Variants in THBS2 observed in about 807,000 individuals in gnomAD.
THBS2 encodes thrombospondin-2.
A neutral mutation model predicts 135.2 loss-of-function variants in THBS2; 47 were observed. The observed-to-expected ratio is 0.35, with a 90% CI of 0.28 to 0.44. The LOEUF is 0.44. THBS2 is among the 20% of genes least tolerant of loss of function. The probability of loss-of-function intolerance (pLI) is 1.00; values close to 1 mark genes in which losing one functional copy is unlikely to be tolerated. For missense variants in THBS2, 1,288 were observed against 1,603.1 expected (o/e 0.80, Z 3.36); for synonymous variants, 639 against 633.8 (o/e 1.01, Z -0.12).
chr6:169,231,872 T>C lies in THBS2; in HGVS notation c.2151+108A>G. On this transcript the variant is annotated intron_variant, in intron 13 of 21. Transcript: ENST00000617924. Reference sequence around the variant, plus strand: ...AGGCAAGAGGCCTGAGAGACCCTCCTTCCAAATTCCCTGTGCTGCCCCCGC... The same window carrying C: ...AGGCAAGAGGCCTGAGAGACCCTCCCTCCAAATTCCCTGTGCTGCCCCCGC... The C allele has an allele frequency of 2.3e-6, 3 of 1,300,598 alleles. No individual in the cohort carries two copies. The South Asian group carries it at 4.2e-5, about 18-fold the overall frequency. 80.6% of individuals were successfully genotyped at this position (1,300,598 alleles called of 1,614,324 possible). A position where few individuals can be genotyped will look rare whatever the true frequency, so the allele number is the denominator to read the frequency against.
intron 7 of THBS2, 115 bp from the exon 8 acceptor site, chr6:169,237,910 A>AG: frequency 7.8e-7 from 1 of 1,284,046 alleles, no homozygotes; most frequent in Non-Finnish European, 1.0e-6. Context: ...CAGGAATCTG[A>AG]GGGGCCACTG....
chr6:169,233,103 G>T, intron 10 of THBS2, 86 bp from the exon 11 acceptor site: 1 of 1,422,530 alleles, frequency 7.0e-7, no homozygotes, highest in South Asian at 1.5e-5. Flanking sequence ...CAAACACTCT[G>T]GGATGTCTTT....
chr6:169,223,559 G>T, intron 17 of THBS2, 84 bp from the exon 18 acceptor site: 5 of 1,182,496 alleles, frequency 4.2e-6, no homozygotes, highest in South Asian at 1.4e-5. Flanking sequence ...GCTTTTCCGT[G>T]TCTGAGAAAC....
In THBS2 at chr6:169,241,665, C is replaced by G; in HGVS notation, c.891+97G>C. On this transcript the variant is annotated intron_variant, in intron 5 of 21. Transcript: ENST00000617924. The surrounding 1 kb of genome is among the most constrained non-coding windows in gnomAD (Gnocchi z 5.5). ...GTGGGTTTTTACATCGAGCATGAGG[C>G]ACTGCCAAGCCAGGGAATGTTGATA... is the stretch of plus-strand genomic sequence containing the variant. 1.6e-6 allele frequency: 2 copies of G among 1,283,824 alleles called. No individual in the cohort carries two copies. Among genetic ancestry groups the G allele is most frequent in the Admixed American group, 2.1e-5 (1 of 47,878 alleles). The allele number at this position is 1,283,824 out of a possible 1,614,324, so 79.5% of individuals were successfully genotyped here.
intron 15 of THBS2, 123 bp from the exon 16 acceptor site, chr6:169,226,421 A>C: frequency 1.6e-6 from 1 of 623,448 alleles, no homozygotes; most frequent in Non-Finnish European, 2.8e-6. Flanking sequence ...TTTAATTATA[A>C]TAAAAAGACG....
rs1169921234 is a variant in THBS2, at chr6:169,217,236, C to T, written c.*586G>A. 1.3e-5 allele frequency: 2 copies of T among 152,304 alleles called. No homozygotes were observed. The highest frequency in any genetic ancestry group is 1.5e-5 in the Non-Finnish European group (1 of 68,118). 9.4% of individuals were successfully genotyped at this position (152,304 alleles called of 1,614,324 possible). ...GTTTTACATGTTCCGATTAGTTAAT[C>T]GGTAGCTTATGTCATTTGCTATGCC... is the stretch of plus-strand genomic sequence containing the variant. On this transcript the variant is annotated 3_prime_UTR_variant, in exon 22 of 22. Coordinates refer to ENST00000617924, the MANE Select transcript of THBS2 (RefSeq NM_003247.5).
At chr6:169,249,969 G>T (rs1426930625) in intron 2 of THBS2, among the ~76,000 whole-genome samples, 1 of 151,962 alleles carries the variant, frequency 6.6e-6, no homozygotes, top group Non-Finnish European at 1.5e-5. Flanking sequence ...GGCAGAGCTT[G>T]CAGTGAGCCC....
intron 4 of THBS2, among the ~76,000 whole-genome samples, chr6:169,242,797 A>C (rs1780383305): frequency 1.7e-5 from 1 of 59,160 alleles, no homozygotes; most frequent in African/African-American, 6.6e-5. Context: ...CACCACTCCC[A>C]CCTTCCCACC....
At chr6:169,223,533 C>T (rs113419753) in intron 17 of THBS2, 58 bp from the exon 18 acceptor site, 22,061 of 1,489,728 alleles carry the variant, frequency 0.015, 204 homozygotes, top group Non-Finnish European at 0.018. Flanking sequence ...AGTCGGTGGT[C>T]GGTGGTTTGC....
At chr6:169,235,964 TCC>T (rs200183100) in intron 9 of THBS2, among the ~76,000 whole-genome samples, 11 of 38,848 alleles carry the variant, frequency 2.8e-4, no homozygotes, top group East Asian at 1.2e-3. Flanking sequence ...CCACACTCAC[TCC>T]CCCATCCACA....
intron 4 of THBS2, among the ~76,000 whole-genome samples, chr6:169,242,489 C>G (rs974466428): frequency 2.0e-5 from 3 of 151,872 alleles, no homozygotes; most frequent in African/African-American, 7.3e-5. Context: ...AATTCACTAT[C>G]CTCTTGCTCA....
At chr6:169,242,925 CTCCCACCTTCCCACCT>C (rs769519611) in intron 4 of THBS2, among the ~76,000 whole-genome samples, 2 of 29,768 alleles carry the variant, frequency 6.7e-5, no homozygotes, top group Non-Finnish European at 1.2e-4. Flanking sequence ...CTTCCCACCA[CTCCCACCTTCCCACCT>C]TCCCACCTTC....
In THBS2 at chr6:169,222,245, G is replaced by A. The variant is rs375384232; in HGVS notation, c.3225C>T (p.Gly1075=). ...GCCACAGCGCGTTCCTCAGGTGCTCGCCCGTCCCCGTGGTGGAGTTCACCA... is the reference window on the plus strand; with the variant it reads ...GCCACAGCGCGTTCCTCAGGTGCTCACCCGTCCCCGTGGTGGAGTTCACCA... ...LKVVNSTTGT[G]EHLRNALWHT... is the part of the protein sequence containing the mutation. The change falls in exon 19 of 22, where the codon GGC becomes GGT. Residue 1075 remains glycine (G), a synonymous_variant. Coordinates refer to ENST00000617924, the MANE Select transcript of THBS2 (RefSeq NM_003247.5). 3.8e-5 allele frequency: 61 copies of A among 1,613,006 alleles called. No individual in the cohort carries two copies. Among genetic ancestry groups the A allele is most frequent in the African/African-American group, 2.9e-4 (22 of 75,036 alleles).
chr6:169,236,469 T>C (rs1780078791), intron 9 of THBS2, among the ~76,000 whole-genome samples: 1 of 74,690 alleles, frequency 1.3e-5, no homozygotes, highest in Non-Finnish European at 2.6e-5. Context: ...CCATCCACAC[T>C]CACTCCCCAT....
chr6:169,219,104 T>A (rs1354724505), intron 21 of THBS2, among the ~76,000 whole-genome samples: 1 of 149,312 alleles, frequency 6.7e-6, no homozygotes, highest in African/African-American at 2.5e-5. Context: ...GATGGATGGA[T>A]GGATGAGTAG....
chr6:169,225,232 A>G lies in THBS2; in HGVS notation c.2686T>C (p.Cys896Arg). 6.2e-7 allele frequency: 1 copy of G among 1,614,064 alleles called. No homozygotes were observed. Among genetic ancestry groups the G allele is most frequent in the South Asian group, 1.1e-5 (1 of 91,056 alleles). Residue 896 changes from cysteine (C) to arginine (R), a missense_variant, in exon 17 of 22, where the codon TGT (cysteine) becomes CGT (arginine). This residue lies in a region of THBS2 where 874 missense variants were observed against 1,156.1 expected (regional missense o/e 0.76). Transcript: ENST00000617924. The part of the protein sequence containing the change: ...DHDRDGQGDA[C>R]DPDDDNDGVP... ...CCATCGTTGTCATCATCAGGGTCAC[A>G]GGCGTCGCCCTGGCCGTCTCTGTCA... is the stretch of plus-strand genomic sequence containing the variant.
In THBS2 at chr6:169,250,763, G is replaced by A. The variant is rs527933430; in HGVS notation, c.22C>T (p.Leu8=). The change falls in exon 2 of 22, where the codon CTG becomes TTG. Residue 8 remains leucine, a synonymous_variant. Transcript: ENST00000617924. MVWRLVL[L]ALWVWPSTQA... is the part of the protein sequence containing the mutation. ...GTGCTGGGCCACACCCACAGAGCCA[G>A]CAGGACCAGCCTCCAGACCATCCTG... The A allele has an allele frequency of 2.5e-6, 4 of 1,613,676 alleles. No individual in the cohort carries two copies. Among genetic ancestry groups the A allele is most frequent in the Admixed American group, 3.3e-5 (2 of 59,972 alleles).
intron 14 of THBS2, among the ~76,000 whole-genome samples, chr6:169,228,598 A>T (rs555803411): frequency 6.6e-6 from 1 of 151,440 alleles, no homozygotes; most frequent in East Asian, 1.9e-4. Context: ...GGCCGGGCGC[A>T]GTGGCTCACA....
intron 20 of THBS2, 150 bp downstream of exon 20, chr6:169,221,280 G>A: frequency 1.5e-6 from 1 of 648,808 alleles, no homozygotes; most frequent in Non-Finnish European, 2.7e-6. Context: ...AGAGATGCAG[G>A]ATAGAAAAGA....
Sources: gnomAD v4.1 joint callset for allele counts (sites outside exome capture counted in the v4.1 genomes callset) on GRCh38, gnomAD v4.1.1 for gene constraint, gnomAD v4.1.1 regional missense constraint, Gnocchi (gnomAD v3.1) non-coding constraint, MANE v1.5 for transcripts, NCBI Gene and HGNC (gene_info 2026-07-23, HGNC 2026-07-21) for gene names.